Variants in MBD5 observed in about 807,000 individuals in gnomAD.
MBD5 encodes the protein methyl-CpG binding domain protein 5.
MBD5 carries 13 observed loss-of-function variants against 117.3 expected under a neutral mutation model. The ratio of observed to expected loss-of-function variants is 0.11; its 90% CI spans 0.07 to 0.18. The LOEUF is 0.18. Ranked by LOEUF, MBD5 falls within the 10% of genes least tolerant of loss-of-function variation. The pLI is 1.00. For missense variants in MBD5, 1,879 were observed against 2,093.8 expected, an observed-to-expected ratio of 0.90 and a Z score of 2.00; for synonymous variants, 727 against 766.4, an observed-to-expected ratio of 0.95 and a Z score of 0.85.
At chr2:148,392,735 C>A (rs1704602744) in intron 4 of MBD5, among the ~76,000 whole-genome samples, 2 of 152,200 alleles carry the variant, frequency 1.3e-5, no homozygotes, top group Non-Finnish European at 1.5e-5. Flanking sequence ...ATCTAAGGAA[C>A]TTCTCTTCAT....
chr2:148,382,260 A>T (rs1171190050), intron 4 of MBD5, among the ~76,000 whole-genome samples: 1 of 152,072 alleles, frequency 6.6e-6, no homozygotes, highest in South Asian at 2.1e-4. Flanking sequence ...ATGGAGGAAG[A>T]TCTACCAAGC....
intron 1 of MBD5, among the ~76,000 whole-genome samples, chr2:148,076,709 G>C (rs1695518460): frequency 6.6e-6 from 1 of 152,148 alleles, no homozygotes; most frequent in Admixed American, 6.5e-5. Context: ...TCTATTACTA[G>C]CTTCTGATAA....
At chr2:148,090,537 C>T (rs766302239) in intron 1 of MBD5, among the ~76,000 whole-genome samples, 1 of 152,054 alleles carries the variant, frequency 6.6e-6, no homozygotes, top group Admixed American at 6.5e-5. Context: ...GATGGTTTAA[C>T]ATACTGCAAG....
chr2:148,185,965 G>A (rs545503356), intron 2 of MBD5, among the ~76,000 whole-genome samples: 7 of 152,292 alleles, frequency 4.6e-5, no homozygotes, highest in African/African-American at 9.6e-5. Flanking sequence ...CATGATTTGC[G>A]TATCTCTGTT....
intron 1 of MBD5, among the ~76,000 whole-genome samples, chr2:148,106,386 G>A (rs932402192): frequency 4.0e-5 from 6 of 151,492 alleles, no homozygotes; most frequent in African/African-American, 1.5e-4. Flanking sequence ...ATTTGCCTTA[G>A]ACTAATAATA....
intron 1 of MBD5, among the ~76,000 whole-genome samples, chr2:148,085,216 C>T (rs1000824619): frequency 2.0e-4 from 30 of 152,184 alleles, no homozygotes; most frequent in Non-Finnish European, 3.7e-4. Context: ...CCGTATAAAG[C>T]AAGGTTCCCC....
intron 3 of MBD5, among the ~76,000 whole-genome samples, chr2:148,305,346 C>T (rs1358808282): frequency 6.6e-6 from 1 of 152,170 alleles, no homozygotes; most frequent in Non-Finnish European, 1.5e-5. Context: ...GTCCATTCCT[C>T]ATTTGGTAGA....
chr2:148,129,531 G>T (rs1696985180), intron 1 of MBD5, among the ~76,000 whole-genome samples: 1 of 151,924 alleles, frequency 6.6e-6, no homozygotes, highest in Non-Finnish European at 1.5e-5. Flanking sequence ...TAGTGACCCA[G>T]ATATACTCTA....
intron 2 of MBD5, among the ~76,000 whole-genome samples, chr2:148,227,164 T>C (rs1409016102): frequency 6.6e-6 from 1 of 152,214 alleles, no homozygotes; most frequent in Admixed American, 6.5e-5. Flanking sequence ...TTGCTTTTGG[T>C]GTTTTAGACA....
At position 148,021,680 on chromosome 2, in the gene MBD5, G is replaced by A; in HGVS notation, c.-929G>A. The A allele has an allele frequency of 1.0e-5, 4 of 382,394 alleles. No individual in the cohort carries two copies. The highest frequency in any genetic ancestry group is 8.2e-5 in the South Asian group (4 of 49,040). 23.7% of individuals were successfully genotyped at this position (382,394 alleles called of 1,614,324 possible). ...GAAGGCACTCAAAAGTGGGGGGCAGGAAAGGTAAGTGTGTCTGTGGGGGCT... is the reference window on the plus strand; with the variant it reads ...GAAGGCACTCAAAAGTGGGGGGCAGAAAAGGTAAGTGTGTCTGTGGGGGCT... On this transcript the variant is annotated 5_prime_UTR_variant, in exon 1 of 14. Transcript: ENST00000642680.
intron 1 of MBD5, among the ~76,000 whole-genome samples, chr2:148,096,219 T>C (rs1696063910): frequency 6.6e-6 from 1 of 152,176 alleles, no homozygotes; most frequent in African/African-American, 2.4e-5. Context: ...TCTTATTCCT[T>C]ACTGCAAAGC....
chr2:148,188,682 C>CAAA (rs34805724), intron 2 of MBD5, among the ~76,000 whole-genome samples: 1 of 104,746 alleles, frequency 9.5e-6, no homozygotes, highest in Non-Finnish European at 2.0e-5. Flanking sequence ...GACCCTGTCT[C>CAAA]AAAAAAAAAA....
intron 3 of MBD5, among the ~76,000 whole-genome samples, chr2:148,332,133 G>A (rs571988990): frequency 2.3e-4 from 35 of 151,684 alleles, no homozygotes; most frequent in African/African-American, 7.7e-4. Context: ...AATTTCACAG[G>A]TAATCTACTA....
chr2:148,288,283 C>T (rs1159324090), intron 3 of MBD5, among the ~76,000 whole-genome samples: 3 of 116,560 alleles, frequency 2.6e-5, no homozygotes, highest in Non-Finnish European at 5.6e-5. Context: ...GCCTGTAGTC[C>T]CAGCTACTTG....
intron 1 of MBD5, among the ~76,000 whole-genome samples, chr2:148,059,973 A>T (rs919091140): frequency 1.3e-5 from 2 of 151,394 alleles, no homozygotes; most frequent in Non-Finnish European, 1.5e-5. Context: ...CTTCAAATGC[A>T]TGGAGCCACC....
chr2:148,314,694 A>G (rs1455245500), intron 3 of MBD5, among the ~76,000 whole-genome samples: 1 of 152,076 alleles, frequency 6.6e-6, no homozygotes, highest in African/African-American at 2.4e-5. Flanking sequence ...GGCCATAGAC[A>G]AGTGCTGGGA....
chr2:148,210,936 G>A (rs188092649), intron 2 of MBD5, among the ~76,000 whole-genome samples: 71 of 152,134 alleles, frequency 4.7e-4, no homozygotes, highest in Non-Finnish European at 8.8e-4. Flanking sequence ...AGAAGATTAT[G>A]TGATTGTAAA....
intron 9 of MBD5, 130 bp downstream of exon 9, chr2:148,484,265 G>A: frequency 1.3e-6 from 1 of 786,550 alleles, no homozygotes; most frequent in South Asian, 2.0e-5. Flanking sequence ...CTTGCTTAAG[G>A]AACTAAATAT....
chr2:148,509,644 A>G (rs1426084889), intron 12 of MBD5, among the ~76,000 whole-genome samples: 1 of 152,174 alleles, frequency 6.6e-6, no homozygotes, highest in Non-Finnish European at 1.5e-5. Flanking sequence ...CAGAGCCTGC[A>G]GTTCAGCCCC....
Sources: allele counts gnomAD v4.1 joint callset (sites outside exome capture counted in the v4.1 genomes callset), GRCh38; gene constraint gnomAD v4.1.1; transcripts MANE v1.5; gene names NCBI Gene and HGNC (gene_info 2026-07-23, HGNC 2026-07-21).